The following G3BP2 variants were observed in gnomAD, a reference collection of about 807,000 sequenced individuals.
G3BP2 encodes ras GTPase-activating protein-binding protein 2.
In G3BP2, 11 loss-of-function variants were observed where a neutral mutation model predicts 56.7. The observed-to-expected ratio is 0.19, with a 90% CI of 0.12 to 0.32. G3BP2 has a LOEUF of 0.32. Among genes scored for constraint, G3BP2 ranks in the 10% least tolerant of loss-of-function variants. The pLI, the probability that G3BP2 is intolerant of heterozygous loss-of-function variation, is 1.00. For synonymous variants in G3BP2, 165 were observed against 191.6 expected, an observed-to-expected ratio of 0.86 and a Z score of 1.15; for missense variants, 340 against 610.9, an observed-to-expected ratio of 0.56 and a Z score of 4.67.
chr4:75,699,646 ATAACG>A (rs1244807481), intron 3 of G3BP2, among the ~76,000 whole-genome samples: 1 of 152,240 alleles, frequency 6.6e-6, no homozygotes, highest in Non-Finnish European at 1.5e-5. Context: ...TTTATGAACC[ATAACG>A]TATTGATTTT....
intron 3 of G3BP2, among the ~76,000 whole-genome samples, chr4:75,709,992 G>A (rs535034083): frequency 6.6e-6 from 1 of 152,300 alleles, no homozygotes; most frequent in African/African-American, 2.4e-5. Context: ...ACTAAGGTCA[G>A]CTAATTCCAT....
At chr4:75,713,196 C>T (rs1381695272) in intron 3 of G3BP2, among the ~76,000 whole-genome samples, 1 of 152,092 alleles carries the variant, frequency 6.6e-6, no homozygotes, top group African/African-American at 2.4e-5. Context: ...TAATTCATTT[C>T]CCAGGCACTC....
intron 3 of G3BP2, among the ~76,000 whole-genome samples, chr4:75,719,296 C>G (rs936935018): frequency 7.0e-6 from 1 of 142,710 alleles, no homozygotes; most frequent in Non-Finnish European, 1.5e-5. Context: ...TGCAGTGAGC[C>G]GAGATCCCGC....
At chr4:75,711,340 C>T (rs147627956) in intron 3 of G3BP2, among the ~76,000 whole-genome samples, 1 of 150,282 alleles carries the variant, frequency 6.7e-6, no homozygotes, top group African/African-American at 2.5e-5. Context: ...AAAAAAAAGA[C>T]TAATTTTCTT....
chr4:75,654,391 T>G (rs1016684748), intron 7 of G3BP2, among the ~76,000 whole-genome samples: 1 of 152,180 alleles, frequency 6.6e-6, no homozygotes, highest in Non-Finnish European at 1.5e-5. Context: ...CTGAACCTAA[T>G]AGAAACAATT....
intron 3 of G3BP2, among the ~76,000 whole-genome samples, chr4:75,679,296 C>G (rs1047803485): frequency 6.6e-6 from 1 of 152,204 alleles, no homozygotes; most frequent in African/African-American, 2.4e-5. Context: ...AAACCTACTC[C>G]CATGAGTAGG....
At position 75,705,650 on chromosome 4, in the gene G3BP2, C is replaced by T. The variant is rs186218742; in HGVS notation, c.-25+15227G>A. Among the ~76,000 whole-genome samples the T allele has an allele frequency of 2.3e-4, 35 of 152,194 alleles. 2 individuals are homozygous for T. The East Asian group carries it at 5.8e-3, about 25-fold the overall frequency. ...TGGGAAGGAGAGTGAGGGACAAAGG[C>T]ATCAGGGCTGAGTAGTGGAAAGGCC... On this transcript the variant is annotated intron_variant, in intron 3 of 3. Coordinates refer to the G3BP2 transcript ENST00000499709.
intron 3 of G3BP2, among the ~76,000 whole-genome samples, chr4:75,701,820 T>C (rs1247244865): frequency 6.6e-6 from 1 of 152,188 alleles, no homozygotes; most frequent in African/African-American, 2.4e-5. Flanking sequence ...ACTTATATTC[T>C]ACCCACTGGA....
chr4:75,648,251 G>A (rs1254772693), intron 9 of G3BP2, among the ~76,000 whole-genome samples: 1 of 151,676 alleles, frequency 6.6e-6, no homozygotes, highest in African/African-American at 2.4e-5. Context: ...GGGAGGCTGA[G>A]GCAAGGGAAT....
intron 3 of G3BP2, among the ~76,000 whole-genome samples, chr4:75,707,657 T>C (rs897450023): frequency 2.0e-5 from 3 of 150,886 alleles, no homozygotes; most frequent in African/African-American, 7.3e-5. Flanking sequence ...CTATAAAGGA[T>C]CATTAATGGT....
At chr4:75,697,787 A>C (rs1218559727) in intron 3 of G3BP2, among the ~76,000 whole-genome samples, 1 of 152,094 alleles carries the variant, frequency 6.6e-6, no homozygotes, top group Non-Finnish European at 1.5e-5. Flanking sequence ...TAGAAAAATT[A>C]GCTAGGCGCG....
At chr4:75,715,111 T>C (rs1719885673) in intron 3 of G3BP2, among the ~76,000 whole-genome samples, 1 of 152,226 alleles carries the variant, frequency 6.6e-6, no homozygotes, top group Admixed American at 6.5e-5. Flanking sequence ...TGCTGAAGTC[T>C]AGGCTTCTCT....
Position 75,664,441 on chromosome 4 carries a change from T to A in G3BP2, c.-24-2392A>T, listed in dbSNP as rs546671700. 3.4e-4 allele frequency among the ~76,000 whole-genome samples: 51 copies of A among 150,582 alleles called. No homozygotes were observed. The South Asian group carries it at 0.01, about 30-fold the overall frequency. On this transcript the variant is annotated intron_variant, in intron 1 of 11. Transcript: ENST00000359707. ...AAATACAAAAATTTGCCAGGCGTGG[T>A]GGCTGGCGCCTGTAGTCCCAGCTAC...
At chr4:75,700,867 T>G (rs1719315876) in intron 3 of G3BP2, among the ~76,000 whole-genome samples, 1 of 152,000 alleles carries the variant, frequency 6.6e-6, no homozygotes, top group Non-Finnish European at 1.5e-5. Context: ...AGGTGGAGTT[T>G]CACTCTTGTT....
At chr4:75,671,637 G>T (rs1290483162) in intron 1 of G3BP2, among the ~76,000 whole-genome samples, 2 of 152,154 alleles carry the variant, frequency 1.3e-5, no homozygotes, top group Non-Finnish European at 2.9e-5. Context: ...ACAGCTCTTA[G>T]TAAGAAATTC....
rs777998023 is a variant in G3BP2, at chr4:75,646,355, T to G, written c.1159A>C (p.Arg387=). 8.5e-6 allele frequency: 13 copies of G among 1,523,526 alleles called. No individual in the cohort carries two copies. Among genetic ancestry groups the G allele is most frequent in the Non-Finnish European group, 1.2e-5 (13 of 1,108,872 alleles). 94.4% of individuals were successfully genotyped at this position (1,523,526 alleles called of 1,614,324 possible). A position where few individuals can be genotyped will look rare whatever the true frequency, so the allele number is the denominator to read the frequency against. Residue 387 remains arginine, a synonymous_variant, in exon 11 of 12, where the codon AGA becomes CGA. Coordinates refer to ENST00000359707, the MANE Select transcript of G3BP2 (RefSeq NM_203505.3). Reference sequence around the variant, plus strand: ...TCACTTACTTTTGCAATTAAGATTCTCTGAACTGGTTCAGAGTCATCAAAA... The same window carrying G: ...TCACTTACTTTTGCAATTAAGATTCGCTGAACTGGTTCAGAGTCATCAAAA... ...VVFDDSEPVQ[R]ILIAKPIMFR... is the part of the protein sequence containing the mutation.
At chr4:75,670,661 ATTTTC>A (rs1338145635) in intron 1 of G3BP2, among the ~76,000 whole-genome samples, 2 of 152,180 alleles carry the variant, frequency 1.3e-5, no homozygotes, top group Admixed American at 6.5e-5. Flanking sequence ...GTAACCTACT[ATTTTC>A]TTTTGTCTTT....
chr4:75,673,482 A>C, upstream of G3BP2: 1 of 1,231,976 alleles, frequency 8.1e-7, no homozygotes, highest in South Asian at 4.1e-5. Flanking sequence ...ACCCCCGAGC[A>C]CAGCGTCAGC....
At chr4:75,674,814 C>A (rs1310346874), upstream of G3BP2, among the ~76,000 whole-genome samples, 1 of 149,608 alleles carries the variant, frequency 6.7e-6, no homozygotes, top group Non-Finnish European at 1.5e-5. Flanking sequence ...CCTCCGCCTC[C>A]CGGGTTCAAG....
Sources: allele counts gnomAD v4.1 joint callset (sites outside exome capture counted in the v4.1 genomes callset), GRCh38; gene constraint gnomAD v4.1.1; transcripts MANE v1.5; gene names NCBI Gene and HGNC (gene_info 2026-07-23, HGNC 2026-07-21).